Variants in SYN2 observed in about 807,000 individuals in gnomAD.
The protein encoded by SYN2 is synapsin II, also known as synapsin-2.
In SYN2, 19 loss-of-function variants were observed where a neutral mutation model predicts 50.9. That is an observed-to-expected ratio of 0.37 (90% CI 0.26 to 0.55). SYN2 has a LOEUF of 0.55. SYN2 is among the 20% of genes least tolerant of loss of function. The probability of loss-of-function intolerance (pLI) is 0.81; values close to 1 mark genes in which losing one functional copy is unlikely to be tolerated. For missense variants in SYN2, 587 were observed against 576.4 expected (o/e 1.02, Z -0.19); for synonymous variants, 255 against 224.9 (o/e 1.13, Z -1.20).
At chr3:12,045,536 C>T (rs767732087) in intron 1 of SYN2, among the ~76,000 whole-genome samples, 40 of 152,152 alleles carry the variant, frequency 2.6e-4, no homozygotes, top group Non-Finnish European at 4.3e-4. Context: ...AGAGAGACTA[C>T]CACCACTATT....
At chr3:12,131,840 A>C (rs1696801695) in intron 1 of SYN2, among the ~76,000 whole-genome samples, 1 of 152,114 alleles carries the variant, frequency 6.6e-6, no homozygotes, top group Non-Finnish European at 1.5e-5. Flanking sequence ...TGCTTTTCTT[A>C]AGAGATCTCA....
chr3:12,094,436 A>G (rs1223990749), intron 1 of SYN2, among the ~76,000 whole-genome samples: 1 of 152,248 alleles, frequency 6.6e-6, no homozygotes, highest in Non-Finnish European at 1.5e-5. Flanking sequence ...AAGATAGGAA[A>G]TATCAGTTCC....
chr3:12,097,747 C>T (rs547803381), intron 1 of SYN2, among the ~76,000 whole-genome samples: 103 of 152,264 alleles, frequency 6.8e-4, no homozygotes, highest in African/African-American at 2.2e-3. Context: ...AGCAAACTCT[C>T]GCAAGGACAG....
intron 1 of SYN2, among the ~76,000 whole-genome samples, chr3:12,072,297 C>CT (rs1202205975): frequency 6.6e-5 from 10 of 152,042 alleles, no homozygotes; most frequent in African/African-American, 2.4e-4. Flanking sequence ...AATTTTTACT[C>CT]TATTGATAGT....
At chr3:12,103,930 G>T (rs1386971973) in intron 1 of SYN2, among the ~76,000 whole-genome samples, 1 of 152,068 alleles carries the variant, frequency 6.6e-6, no homozygotes, top group African/African-American at 2.4e-5. Context: ...TTGTCAAATG[G>T]AATTTTAAAA....
intron 1 of SYN2, among the ~76,000 whole-genome samples, chr3:12,022,970 G>C (rs1694176606): frequency 6.6e-6 from 1 of 152,202 alleles, no homozygotes; most frequent in South Asian, 2.1e-4. Context: ...ACACCCGGTG[G>C]TGGAGGAGTA....
intron 11 of SYN2, chr3:12,185,763 A>G (rs142957559): frequency 1.0e-6 from 1 of 985,858 alleles, no homozygotes. Context: ...TGGCTATCCA[A>G]GTATCTGCAC....
intron 1 of SYN2, among the ~76,000 whole-genome samples, chr3:12,054,183 T>C (rs1694938021): frequency 2.0e-5 from 3 of 152,290 alleles, no homozygotes; most frequent in African/African-American, 7.2e-5. Flanking sequence ...CTGAAAACTG[T>C]TAGAGTAGTC....
intron 1 of SYN2, among the ~76,000 whole-genome samples, chr3:12,101,199 A>AT (rs1030912284): frequency 2.0e-5 from 3 of 152,202 alleles, no homozygotes; most frequent in African/African-American, 7.2e-5. Flanking sequence ...TCATGACAGC[A>AT]TGGTTCATAT....
intron 1 of SYN2, among the ~76,000 whole-genome samples, chr3:12,088,560 T>G (rs748247521): frequency 5.1e-4 from 78 of 152,200 alleles, no homozygotes; most frequent in South Asian, 2.5e-3. Flanking sequence ...TCCAAAGGAT[T>G]TGCAATCAGT....
At chr3:12,095,641 G>A (rs1385848335) in intron 1 of SYN2, among the ~76,000 whole-genome samples, 1 of 137,354 alleles carries the variant, frequency 7.3e-6, no homozygotes, top group Non-Finnish European at 1.5e-5. Context: ...TTGTTCTGTC[G>A]CCATCATTCA....
chr3:12,142,904 CTAACAACAGGAAA>C (rs1697055012), intron 3 of SYN2, among the ~76,000 whole-genome samples: 1 of 152,094 alleles, frequency 6.6e-6, no homozygotes, highest in African/African-American at 2.4e-5. Context: ...TGTCTGGGAC[CTAACAACAGGAAA>C]TACGAGCTTG....
At chr3:12,138,501 A>G (rs907468274) in intron 1 of SYN2, among the ~76,000 whole-genome samples, 1 of 152,220 alleles carries the variant, frequency 6.6e-6, no homozygotes, top group African/African-American at 2.4e-5. Context: ...ACTTGGCAGC[A>G]TGTAAGCACC....
At chr3:12,168,779 T>A (rs1034012538) in intron 9 of SYN2, among the ~76,000 whole-genome samples, 12 of 152,236 alleles carry the variant, frequency 7.9e-5, no homozygotes, top group African/African-American at 2.4e-4. Flanking sequence ...GTGAGGAAAC[T>A]GAGGCCTAAC....
chr3:12,080,894 A>G (rs1041871973), intron 1 of SYN2, among the ~76,000 whole-genome samples: 12 of 152,026 alleles, frequency 7.9e-5, no homozygotes, highest in African/African-American at 2.7e-4. Context: ...ATATTGATAG[A>G]TCCCACTGGA....
chr3:12,092,679 TG>T (rs1306753607), intron 1 of SYN2, among the ~76,000 whole-genome samples: 1 of 152,194 alleles, frequency 6.6e-6, no homozygotes, highest in Admixed American at 6.5e-5. Context: ...CTAGGCTTCC[TG>T]GGGGTCAAAG....
intron 5 of SYN2, among the ~76,000 whole-genome samples, chr3:12,152,258 C>T (rs550925633): frequency 6.6e-6 from 1 of 152,226 alleles, no homozygotes; most frequent in Admixed American, 6.5e-5. Context: ...TTGAAAAGAA[C>T]CATCTCTGTC....
intron 1 of SYN2, among the ~76,000 whole-genome samples, chr3:12,134,506 T>C (rs966880335): frequency 2.0e-5 from 3 of 152,224 alleles, no homozygotes; most frequent in Non-Finnish European, 4.4e-5. Flanking sequence ...TCTTCCTTCC[T>C]ATGTGGCTAA....
At chr3:12,026,001 A>G (rs1694250760) in intron 1 of SYN2, among the ~76,000 whole-genome samples, 2 of 152,186 alleles carry the variant, frequency 1.3e-5, no homozygotes, top group Admixed American at 6.5e-5. Context: ...CAGGAATGCC[A>G]TGTGATAGAA....
Sources: gnomAD v4.1 joint callset for allele counts (sites outside exome capture counted in the v4.1 genomes callset) on GRCh38, gnomAD v4.1.1 for gene constraint, MANE v1.5 for transcripts, NCBI Gene and HGNC (gene_info 2026-07-23, HGNC 2026-07-21) for gene names.